EZH2: variants seen among roughly 807,000 people sequenced by gnomAD.
EZH2 encodes the protein enhancer of zeste 2 polycomb repressive complex 2 subunit, also known as histone-lysine N-methyltransferase EZH2.
A neutral mutation model predicts 98.4 loss-of-function variants in EZH2; 18 were observed. The ratio of observed to expected loss-of-function variants is 0.18; its 90% confidence interval spans 0.13 to 0.27. The LOEUF (loss-of-function observed/expected upper bound fraction) is 0.27. EZH2 is among the 10% of genes least tolerant of loss of function. The probability of loss-of-function intolerance (pLI) is 1.00; values close to 1 mark genes in which losing one functional copy is unlikely to be tolerated. For synonymous variants in EZH2, 338 were observed against 312.3 expected (o/e 1.08, Z -0.87); for missense variants, 470 against 935.1 (o/e 0.50, Z 6.49).
intron 3 of EZH2, among the ~76,000 whole-genome samples, chr7:148,840,511 T>C (rs1226429252): frequency 6.6e-6 from 1 of 152,234 alleles, no homozygotes; most frequent in African/African-American, 2.4e-5. Context: ...CAGGGACTTT[T>C]GCTTTCTGTT....
intron 12 of EZH2, among the ~76,000 whole-genome samples, chr7:148,816,301 C>A (rs1308581277): frequency 6.6e-6 from 1 of 152,232 alleles, no homozygotes; most frequent in East Asian, 1.9e-4. Flanking sequence ...CTTAGAAATT[C>A]AAGCTCCTGG....
At chr7:148,872,828 C>A (rs754957996) in intron 1 of EZH2, among the ~76,000 whole-genome samples, 1 of 151,570 alleles carries the variant, frequency 6.6e-6, no homozygotes, top group Non-Finnish European at 1.5e-5. Context: ...GACATACTGT[C>A]TTTTTGATAC....
chr7:148,874,452 T>C (rs561735215), intron 1 of EZH2, among the ~76,000 whole-genome samples: 1 of 152,044 alleles, frequency 6.6e-6, no homozygotes, highest in Admixed American at 6.6e-5. Context: ...GAGTTTGGGC[T>C]GTTCTACAGA....
chr7:148,847,797 T>A (rs946540033), intron 1 of EZH2, among the ~76,000 whole-genome samples: 4 of 152,214 alleles, frequency 2.6e-5, no homozygotes, highest in South Asian at 4.1e-4. Flanking sequence ...TAATAAAATG[T>A]ACAAAGGTAC....
intron 1 of EZH2, among the ~76,000 whole-genome samples, chr7:148,882,247 C>T (rs1422574301): frequency 1.3e-5 from 2 of 151,972 alleles, no homozygotes; most frequent in African/African-American, 4.8e-5. Flanking sequence ...TTTTATGAAA[C>T]CTTAAGTTAG....
intron 1 of EZH2, among the ~76,000 whole-genome samples, chr7:148,879,162 T>A (rs56259692): frequency 2.6e-4 from 39 of 151,536 alleles, no homozygotes; most frequent in Non-Finnish European, 4.7e-4. Flanking sequence ...GAGGCAGAGG[T>A]TGCAGTGAGC....
At chr7:148,840,768 T>G (rs1290797292) in intron 3 of EZH2, among the ~76,000 whole-genome samples, 2 of 152,178 alleles carry the variant, frequency 1.3e-5, no homozygotes, top group African/African-American at 4.8e-5. Flanking sequence ...GGAGTAAATT[T>G]AAGTCAATCC....
chr7:148,874,589 CTT>C (rs954147845), intron 1 of EZH2, among the ~76,000 whole-genome samples: 1 of 151,986 alleles, frequency 6.6e-6, no homozygotes, highest in African/African-American at 2.4e-5. Context: ...CAACAGCTTG[CTT>C]TATATATTTT....
chr7:148,828,960 A>T, intron 5 of EZH2, 80 bp from the exon 6 acceptor site: 1 of 1,389,502 alleles, frequency 7.2e-7, no homozygotes, highest in South Asian at 1.3e-5. Flanking sequence ...TACTTGGACA[A>T]AACAGGCATA....
intron 1 of EZH2, among the ~76,000 whole-genome samples, chr7:148,872,085 G>A (rs1819497463): frequency 6.6e-6 from 1 of 152,082 alleles, no homozygotes; most frequent in African/African-American, 2.4e-5. Flanking sequence ...CAACCCAAAT[G>A]TCCACCAATA....
At chr7:148,809,037 C>A in intron 19 of EZH2, 34 bp downstream of exon 19, 1 of 1,568,298 alleles carries the variant, frequency 6.4e-7, no homozygotes, top group South Asian at 1.1e-5. Context: ...AGAAAAAGCC[C>A]TTAGAGATCA....
At chr7:148,864,219 A>G (rs1451458985) in intron 1 of EZH2, among the ~76,000 whole-genome samples, 1 of 152,240 alleles carries the variant, frequency 6.6e-6, no homozygotes, top group Non-Finnish European at 1.5e-5. Flanking sequence ...TATTGATTTC[A>G]AACTGAAGTC....
rs771352080 is a variant in EZH2, at chr7:148,847,247, G to A, written c.52C>T (p.Arg18Cys). 3 of 1,613,594 alleles carry A rather than the reference G, an allele frequency of 1.9e-6. No individual in the cohort carries two copies. The highest frequency in any genetic ancestry group is 8.5e-7 in the Non-Finnish European group (1 of 1,179,872). Residue 18 changes from arginine (R) to cysteine (C), a missense_variant, in exon 2 of 20, where the codon CGT (arginine) becomes TGT (cysteine). Physicochemically the swap from Arg to Cys is radical, Grantham distance 180. This residue lies in a region of EZH2 where 79 missense variants were observed against 122.1 expected (regional missense o/e 0.65). Transcript: ENST00000320356. ...AGTCGCATGTACTCTGATTTTACAC[G>A]CTTCCGCCAACAAACTGGTCCCTTC... ...SEKGPVCWRK[R>C]VKSEYMRLRQ...
intron 19 of EZH2, among the ~76,000 whole-genome samples, chr7:148,808,748 T>G (rs1369278543): frequency 6.6e-6 from 1 of 152,190 alleles, no homozygotes; most frequent in East Asian, 1.9e-4. Flanking sequence ...GTGATCGCAC[T>G]TATCTGGAAA....
intron 1 of EZH2, among the ~76,000 whole-genome samples, chr7:148,872,573 A>G (rs1278892755): frequency 6.6e-6 from 1 of 152,248 alleles, no homozygotes; most frequent in Non-Finnish European, 1.5e-5. Flanking sequence ...ACAAATAGTA[A>G]TTAGTTCTAT....
At chr7:148,865,191 T>A (rs1163603232) in intron 1 of EZH2, among the ~76,000 whole-genome samples, 1 of 150,506 alleles carries the variant, frequency 6.6e-6, no homozygotes, top group Non-Finnish European at 1.5e-5. Context: ...AATTCAAAGA[T>A]GAGACATGAG....
At position 148,827,232 on chromosome 7, in the gene EZH2, A is replaced by G. The variant is rs1807973170; in HGVS notation, c.660T>C (p.Ser220=). Residue 220 remains serine (S), a synonymous_variant, in exon 7 of 20, where the codon TCT becomes TCC. Coordinates refer to ENST00000320356, the MANE Select transcript of EZH2 (RefSeq NM_004456.5). ...AGGAAATGGCTTCAAAAATTTTATC[A>G]GAAGGAAATTTCCGAGGTGGGCGGC... The part of the protein sequence containing the change: ...KESRPPRKFP[S]DKIFEAISSM... 2 of 1,613,828 alleles carry G rather than the reference A, an allele frequency of 1.2e-6. No individual in the cohort carries two copies. Among genetic ancestry groups the G allele is most frequent in the African/African-American group, 1.3e-5 (1 of 74,936 alleles).
intron 1 of EZH2, among the ~76,000 whole-genome samples, chr7:148,863,966 T>A (rs1880356): frequency 0.048 from 7,338 of 152,326 alleles, 269 homozygotes; most frequent in Middle Eastern, 0.082. Flanking sequence ...ATGAACAGCA[T>A]TCGCCTTCAA....
chr7:148,855,957 A>G (rs1816772506), intron 1 of EZH2, among the ~76,000 whole-genome samples: 3 of 151,764 alleles, frequency 2.0e-5, no homozygotes, highest in Non-Finnish European at 4.4e-5. Flanking sequence ...GCAGATGAGT[A>G]ATATCAGGAA....
Sources: allele counts gnomAD v4.1 joint callset (sites outside exome capture counted in the v4.1 genomes callset), GRCh38; gene constraint gnomAD v4.1.1; regional missense constraint gnomAD v4.1.1; transcripts MANE v1.5; gene names NCBI Gene and HGNC (gene_info 2026-07-23, HGNC 2026-07-21).